DLGAP1: variants seen among roughly 807,000 people sequenced by gnomAD.
DLGAP1 encodes DLG associated protein 1.
Under a neutral mutation model 90.8 loss-of-function variants are expected in DLGAP1, and 11 were observed. That is an observed-to-expected ratio of 0.12 (90% CI 0.08 to 0.20). DLGAP1 has a LOEUF of 0.20. DLGAP1 is among the 10% of genes least tolerant of loss of function. The pLI is 1.00. For missense variants in DLGAP1, 1,050 were observed against 1,333.8 expected (o/e 0.79, Z 3.31); for synonymous variants, 558 against 540.7 (o/e 1.03, Z -0.44).
At chr18:3,702,345 T>C (rs1194513846) in intron 7 of DLGAP1, among the ~76,000 whole-genome samples, 1 of 152,238 alleles carries the variant, frequency 6.6e-6, no homozygotes, top group African/African-American at 2.4e-5. Flanking sequence ...AATTTTAAAA[T>C]AGCAGGTGTG....
At chr18:4,436,522 C>T (rs2144790605) in intron 1 of DLGAP1, among the ~76,000 whole-genome samples, 1 of 152,082 alleles carries the variant, frequency 6.6e-6, no homozygotes, top group Middle Eastern at 3.4e-3. Context: ...GTTCTTATCC[C>T]TAAATGGACA....
intron 1 of DLGAP1, among the ~76,000 whole-genome samples, chr18:4,178,247 ACACACAC>A (rs1416261359): frequency 2.0e-5 from 3 of 150,256 alleles, no homozygotes; most frequent in Non-Finnish European, 4.4e-5. Context: ...ACACACACAC[ACACACAC>A]ATTAGAGATA....
At chr18:3,814,422 T>G (rs2148435521) in intron 4 of DLGAP1, 149 bp from the exon 5 acceptor site, 2 of 749,338 alleles carry the variant, frequency 2.7e-6, no homozygotes, top group South Asian at 4.1e-5. Flanking sequence ...AGTGCAGTGG[T>G]GCAATCTTGG....
intron 1 of DLGAP1, among the ~76,000 whole-genome samples, chr18:4,336,265 C>G (rs1460124176): frequency 6.6e-6 from 1 of 152,166 alleles, no homozygotes; most frequent in African/African-American, 2.4e-5. Flanking sequence ...TCCAGGTTGA[C>G]CAATCATATT....
chr18:4,358,998 T>C (rs912060219), intron 1 of DLGAP1, among the ~76,000 whole-genome samples: 1 of 152,278 alleles, frequency 6.6e-6, no homozygotes, highest in Non-Finnish European at 1.5e-5. Context: ...GAGGGAGTTA[T>C]AATTAACAGC....
intron 3 of DLGAP1, among the ~76,000 whole-genome samples, chr18:3,981,733 A>G (rs1197691036): frequency 1.3e-5 from 2 of 152,150 alleles, no homozygotes; most frequent in Non-Finnish European, 2.9e-5. Flanking sequence ...CTGATTGACT[A>G]TTTTCAGGGT....
chr18:3,934,513 C>T (rs188121179), intron 3 of DLGAP1, among the ~76,000 whole-genome samples: 1,862 of 149,962 alleles, frequency 0.012, 40 homozygotes, highest in African/African-American at 0.044. Flanking sequence ...GAGTGGCAGA[C>T]AGAGAGAGAG....
intron 2 of DLGAP1, among the ~76,000 whole-genome samples, chr18:4,139,848 T>C (rs1396340321): frequency 6.6e-6 from 1 of 152,014 alleles, no homozygotes. Context: ...TTGAACCCTT[T>C]ATGATTAAAT....
chr18:4,208,742 GAGAA>G (rs2077774317), intron 1 of DLGAP1, among the ~76,000 whole-genome samples: 1 of 152,024 alleles, frequency 6.6e-6, no homozygotes, highest in Middle Eastern at 3.2e-3. Flanking sequence ...GAGAGAGAAA[GAGAA>G]AGAACAGAGG....
chr18:4,209,059 T>G (rs1220676822), intron 1 of DLGAP1, among the ~76,000 whole-genome samples: 1 of 152,016 alleles, frequency 6.6e-6, no homozygotes, highest in Non-Finnish European at 1.5e-5. Flanking sequence ...GCTCCCTTCA[T>G]TAAAAAGAAG....
intron 9 of DLGAP1, among the ~76,000 whole-genome samples, chr18:3,561,789 C>T (rs954722680): frequency 6.6e-6 from 1 of 150,622 alleles, no homozygotes; most frequent in Non-Finnish European, 1.5e-5. Context: ...TGCTATTAGT[C>T]CGTTTTAACG....
intron 4 of DLGAP1, chr18:3,845,407 T>A: frequency 7.2e-7 from 1 of 1,395,590 alleles, no homozygotes; most frequent in Non-Finnish European, 9.4e-7. Flanking sequence ...GGGAGAGTGG[T>A]TGGTCATGGC....
At chr18:3,960,648 G>A (rs1301071558) in intron 3 of DLGAP1, among the ~76,000 whole-genome samples, 3 of 152,198 alleles carry the variant, frequency 2.0e-5, no homozygotes, top group Admixed American at 6.5e-5. Context: ...CTAGACATCC[G>A]GGGTGAAGGC....
chr18:4,046,913 T>C (rs2075063164), intron 2 of DLGAP1, among the ~76,000 whole-genome samples: 2 of 152,244 alleles, frequency 1.3e-5, no homozygotes, highest in African/African-American at 4.8e-5. Flanking sequence ...GGTGCAAATC[T>C]GCAGGAGATG....
At chr18:3,588,085 G>A (rs2055999138) in intron 7 of DLGAP1, among the ~76,000 whole-genome samples, 1 of 152,238 alleles carries the variant, frequency 6.6e-6, no homozygotes, top group Non-Finnish European at 1.5e-5. Flanking sequence ...AACTAGAGCT[G>A]CAGATTTCAG....
intron 1 of DLGAP1, among the ~76,000 whole-genome samples, chr18:4,198,167 G>C (rs2077537125): frequency 6.6e-6 from 1 of 152,296 alleles, no homozygotes; most frequent in African/African-American, 2.4e-5. Flanking sequence ...TTTGCAGTGA[G>C]CCGAGATCGT....
chr18:3,730,622 C>T (rs936800998), intron 6 of DLGAP1, among the ~76,000 whole-genome samples: 14 of 151,938 alleles, frequency 9.2e-5, no homozygotes, highest in East Asian at 1.9e-4. Context: ...ACTACAATTA[C>T]GTTTTGAATA....
intron 3 of DLGAP1, among the ~76,000 whole-genome samples, chr18:3,956,444 G>A (rs910760373): frequency 2.6e-5 from 4 of 151,922 alleles, no homozygotes; most frequent in Non-Finnish European, 5.9e-5. Context: ...CGCCTCCCGG[G>A]TTCACGCCAT....
intron 3 of DLGAP1, among the ~76,000 whole-genome samples, chr18:3,935,931 A>C (rs1445256514): frequency 2.0e-5 from 3 of 152,158 alleles, no homozygotes; most frequent in African/African-American, 7.2e-5. Context: ...TATTTATACA[A>C]ACTCTGCAAG....
Sources: gnomAD v4.1 joint callset for allele counts (sites outside exome capture counted in the v4.1 genomes callset) on GRCh38, gnomAD v4.1.1 for gene constraint, MANE v1.5 for transcripts, NCBI Gene and HGNC (gene_info 2026-07-23, HGNC 2026-07-21) for gene names.